IL1RAPL1: variants seen among roughly 807,000 people sequenced by gnomAD.
The protein encoded by IL1RAPL1 is interleukin-1 receptor accessory protein-like 1.
A neutral mutation model predicts 48.4 loss-of-function variants in IL1RAPL1; 3 were observed. The observed-to-expected ratio is 0.06, with a 90% CI of 0.03 to 0.16. The LOEUF is 0.16. Ranked by LOEUF, IL1RAPL1 falls within the 10% of genes least tolerant of loss-of-function variation. The pLI is 1.00. For synonymous variants in IL1RAPL1, 185 were observed against 187.7 expected (o/e 0.99, Z 0.12); for missense variants, 349 against 530.6 (o/e 0.66, Z 3.36).
In IL1RAPL1 at chrX:29,282,934, A is replaced by G. The variant is rs1932225813; in HGVS notation, c.83-4A>G. Reference sequence around the variant, plus strand: ...CTCTTTCTCTGTCTCTTTTTTTACGATAGCCGATGGATGCACTGACTGGTC... The same window carrying G: ...CTCTTTCTCTGTCTCTTTTTTTACGGTAGCCGATGGATGCACTGACTGGTC... On this transcript the variant is annotated splice_region_variant and splice_polypyrimidine_tract_variant and intron_variant, in intron 2 of 10. Transcript: ENST00000378993. The G allele has an allele frequency of 8.3e-7, 1 of 1,208,640 alleles. No individual in the cohort carries two copies. Among genetic ancestry groups the G allele is most frequent in the African/African-American group, 1.8e-5 (1 of 57,042 alleles).
At chrX:29,852,666 C>T (rs755766683) in intron 6 of IL1RAPL1, among the ~76,000 whole-genome samples, 1 of 111,794 alleles carries the variant, frequency 8.9e-6, no homozygotes, top group South Asian at 3.7e-4. Context: ...TCTATATAAA[C>T]CATTTTTTTA....
intron 1 of IL1RAPL1, among the ~76,000 whole-genome samples, chrX:28,593,443 A>G (rs961919365): frequency 3.6e-5 from 4 of 112,052 alleles, no homozygotes; most frequent in African/African-American, 6.5e-5. Flanking sequence ...AATCTTTTTT[A>G]TCACAAGCTA....
intron 9 of IL1RAPL1, among the ~76,000 whole-genome samples, chrX:29,944,298 C>T (rs1341886682): frequency 2.7e-5 from 3 of 111,448 alleles, no homozygotes; most frequent in Non-Finnish European, 3.8e-5. Flanking sequence ...TTCAGCCTCC[C>T]TATATTAAAG....
rs904192933 is a variant in IL1RAPL1, at chrX:29,399,140, A to G, written c.550-15A>G. ...TTACTATATGTACTACCAAAATTGT[A>G]TGTTCTTCATATAGGAATGCAGGAC... On this transcript the variant is annotated splice_polypyrimidine_tract_variant and intron_variant, in intron 4 of 10. Transcript: ENST00000378993. The G allele has an allele frequency of 1.7e-6, 2 of 1,180,044 alleles. No individual in the cohort carries two copies. The highest frequency in any genetic ancestry group is 3.6e-5 in the South Asian group (2 of 56,110).
intron 6 of IL1RAPL1, among the ~76,000 whole-genome samples, chrX:29,792,961 T>C (rs189737715): frequency 1.8e-4 from 20 of 111,837 alleles, no homozygotes; most frequent in Non-Finnish European, 3.4e-4. Context: ...GTTAACTAGT[T>C]AGATTGACCC....
At chrX:29,451,515 C>A (rs1001092285) in intron 5 of IL1RAPL1, among the ~76,000 whole-genome samples, 11 of 111,643 alleles carry the variant, frequency 9.9e-5, no homozygotes, top group Non-Finnish European at 2.1e-4. Flanking sequence ...TTTTAAAAAG[C>A]ATTTTAATTG....
chrX:28,621,795 G>A (rs976919927), intron 1 of IL1RAPL1, among the ~76,000 whole-genome samples: 2 of 111,777 alleles, frequency 1.8e-5, no homozygotes, highest in Non-Finnish European at 3.8e-5. Context: ...ATTTTTAATA[G>A]CACACAACAC....
chrX:29,737,239 T>G (rs941525231), intron 6 of IL1RAPL1, among the ~76,000 whole-genome samples: 2 of 112,025 alleles, frequency 1.8e-5, no homozygotes, highest in South Asian at 3.7e-4. Context: ...ACACATATTT[T>G]GAGGGTAGGT....
At chrX:29,531,054 GTTACTA>G (rs987820356) in intron 5 of IL1RAPL1, among the ~76,000 whole-genome samples, 5 of 111,700 alleles carry the variant, frequency 4.5e-5, no homozygotes, top group African/African-American at 1.3e-4. Flanking sequence ...ATCTCTTATA[GTTACTA>G]TTACTTTTCA....
At chrX:28,910,269 C>T in intron 2 of IL1RAPL1, among the ~76,000 whole-genome samples, 1 of 111,283 alleles carries the variant, frequency 9.0e-6, no homozygotes, top group East Asian at 2.8e-4. Context: ...TAACTTTTGC[C>T]ATTCTCAACC....
chrX:29,373,866 A>ATTTTTTT (rs1933579571), intron 3 of IL1RAPL1, among the ~76,000 whole-genome samples: 1 of 23,493 alleles, frequency 4.3e-5, no homozygotes, highest in Non-Finnish European at 9.1e-5. Flanking sequence ...CTCTCTTTTT[A>ATTTTTTT]ATTTTTTTTT....
chrX:29,111,929 T>TC (rs1395414556), intron 2 of IL1RAPL1, among the ~76,000 whole-genome samples: 120 of 87,676 alleles, frequency 1.4e-3, no homozygotes, highest in Non-Finnish European at 2.1e-3. Flanking sequence ...ACTTTTCTTT[T>TC]TTTTTTTTTT....
intron 1 of IL1RAPL1, among the ~76,000 whole-genome samples, chrX:28,630,666 G>A (rs959613653): frequency 2.7e-5 from 3 of 112,062 alleles, no homozygotes; most frequent in Non-Finnish European, 5.6e-5. Context: ...CAATTTTAAG[G>A]AGGATAAAAA....
At chrX:29,704,987 T>TAA (rs1927154464) in intron 6 of IL1RAPL1, among the ~76,000 whole-genome samples, 1 of 111,261 alleles carries the variant, frequency 9.0e-6, no homozygotes. Context: ...TGCATAGTGG[T>TAA]AAAGTCTGGG....
At chrX:29,681,926 T>A (rs755355961) in intron 6 of IL1RAPL1, among the ~76,000 whole-genome samples, 1 of 103,006 alleles carries the variant, frequency 9.7e-6, no homozygotes, top group Admixed American at 1.0e-4. Flanking sequence ...AAAAAAAAAA[T>A]TACCAGACTG....
chrX:29,681,370 C>T (rs932099599), intron 6 of IL1RAPL1, among the ~76,000 whole-genome samples: 2 of 112,099 alleles, frequency 1.8e-5, no homozygotes, highest in Non-Finnish European at 1.9e-5. Flanking sequence ...CTAATAAAAT[C>T]TCTTACCCAA....
At chrX:29,060,563 ATACC>A (rs1211945373) in intron 2 of IL1RAPL1, among the ~76,000 whole-genome samples, 1 of 111,647 alleles carries the variant, frequency 9.0e-6, no homozygotes, top group African/African-American at 3.3e-5. Context: ...CACCAGATAA[ATACC>A]TAACTAGAAC....
intron 6 of IL1RAPL1, among the ~76,000 whole-genome samples, chrX:29,860,575 G>A (rs775979121): frequency 9.0e-6 from 1 of 110,630 alleles, no homozygotes; most frequent in East Asian, 2.8e-4. Context: ...TGTTCTCATT[G>A]TTCAGCTTCC....
At chrX:29,728,467 G>C (rs187427487) in intron 6 of IL1RAPL1, among the ~76,000 whole-genome samples, 196 of 111,749 alleles carry the variant, frequency 1.8e-3, no homozygotes, top group African/African-American at 6.3e-3. Context: ...CCCCACTGGG[G>C]GTGCTATAGA....
Sources: gnomAD v4.1 joint callset for allele counts (sites outside exome capture counted in the v4.1 genomes callset) on GRCh38, gnomAD v4.1.1 for gene constraint, MANE v1.5 for transcripts, NCBI Gene and HGNC (gene_info 2026-07-23, HGNC 2026-07-21) for gene names.